The following KIAA0586 variants were observed in gnomAD, a reference collection of about 807,000 sequenced individuals.
KIAA0586 encodes the protein KIAA0586, also known as protein TALPID3.
A neutral mutation model predicts 169.8 loss-of-function variants in KIAA0586; 144 were observed. The observed-to-expected ratio is 0.85, with a 90% CI of 0.74 to 0.97. The LOEUF (loss-of-function observed/expected upper bound fraction) is 0.97, where lower values mean the gene tolerates loss of function less well. KIAA0586 is among the 50% of genes least tolerant of loss of function. KIAA0586 has a pLI of 0.00. For synonymous variants in KIAA0586, 625 were observed against 612.4 expected, an observed-to-expected ratio of 1.02 and a Z score of -0.30; for missense variants, 1,854 against 1,823.0, an observed-to-expected ratio of 1.02 and a Z score of -0.31.
intron 20 of KIAA0586, among the ~76,000 whole-genome samples, chr14:58,482,065 G>A (rs2042063841): frequency 6.6e-6 from 1 of 151,720 alleles, no homozygotes; most frequent in Non-Finnish European, 1.5e-5. Flanking sequence ...ACCAGCCTTG[G>A]CCTCCCAAAG....
chr14:58,438,772 A>G (rs1486236877), intron 4 of KIAA0586, among the ~76,000 whole-genome samples: 2 of 152,158 alleles, frequency 1.3e-5, no homozygotes, highest in Non-Finnish European at 2.9e-5. Context: ...GAGGAGAAGG[A>G]TGTAATAAGT....
chr14:58,512,081 G>T (rs1243396060), intron 28 of KIAA0586, among the ~76,000 whole-genome samples: 1 of 152,254 alleles, frequency 6.6e-6, no homozygotes, highest in East Asian at 1.9e-4. Flanking sequence ...ATTAAATGAT[G>T]TTACTATATA....
intron 26 of KIAA0586, among the ~76,000 whole-genome samples, chr14:58,494,180 T>TTTTCTTATCCCTTAAATTTTCTGTC (rs2043006227): frequency 2.0e-5 from 3 of 151,950 alleles, no homozygotes; most frequent in Non-Finnish European, 4.4e-5. Context: ...CTACTTCTGT[T>TTTTCTTATCCCTTAAATTTTCTGTC]TTTCTTATCC....
At chr14:58,458,610 C>A in intron 12 of KIAA0586, 65 bp downstream of exon 12, 2 of 812,608 alleles carry the variant, frequency 2.5e-6, no homozygotes, top group Non-Finnish European at 3.9e-6. Flanking sequence ...TTCCAATTTA[C>A]AGGCATTACA....
At chr14:58,471,963 G>A (rs1387657972) in intron 17 of KIAA0586, among the ~76,000 whole-genome samples, 1 of 152,106 alleles carries the variant, frequency 6.6e-6, no homozygotes, top group Non-Finnish European at 1.5e-5. Context: ...TGCTGATGGA[G>A]TCCTTTACAG....
chr14:58,477,581 A>G (rs1459889523), intron 20 of KIAA0586, among the ~76,000 whole-genome samples: 1 of 152,094 alleles, frequency 6.6e-6, no homozygotes, highest in African/African-American at 2.4e-5. Flanking sequence ...ATTACTCAGG[A>G]TTTAAGGATG....
chr14:58,477,889 A>T (rs2041768021), intron 20 of KIAA0586, among the ~76,000 whole-genome samples: 1 of 135,244 alleles, frequency 7.4e-6, no homozygotes. Context: ...TCTCTTCCCC[A>T]TTTTTTCCTT....
At position 58,548,068 on chromosome 14, in the gene KIAA0586, A is replaced by C. The variant is rs2047094181; in HGVS notation, c.*136A>C. 1.9e-6 allele frequency: 2 copies of C among 1,053,428 alleles called. No homozygotes were observed. The highest frequency in any genetic ancestry group is 2.7e-6 in the Non-Finnish European group (2 of 749,642). 65.3% of individuals were successfully genotyped at this position (1,053,428 alleles called of 1,614,324 possible). On this transcript the variant is annotated 3_prime_UTR_variant, in exon 31 of 31. Transcript: ENST00000652326. ...AAATTCCAATATTTTAAAATAAAAC[A>C]AAAAGCATAATTTGGGTATTTAAAG... is the stretch of plus-strand genomic sequence containing the variant.
intron 30 of KIAA0586, 112 bp from the exon 31 acceptor site, chr14:58,547,669 T>G: frequency 1.1e-6 from 1 of 933,300 alleles, no homozygotes; most frequent in Non-Finnish European, 1.6e-6. Context: ...TAGGCAATCC[T>G]TATTTGGAAT....
intron 26 of KIAA0586, among the ~76,000 whole-genome samples, chr14:58,495,659 G>T (rs879924433): frequency 2.6e-5 from 4 of 151,938 alleles, no homozygotes; most frequent in Non-Finnish European, 5.9e-5. Context: ...TAAAAAGCAG[G>T]TTGCAAGGCT....
In KIAA0586 at chr14:58,453,765, A is replaced by C. The variant is rs1748976; in HGVS notation, c.1253+292A>C. On this transcript the variant is annotated intron_variant, in intron 9 of 30. Coordinates refer to ENST00000652326, the MANE Select transcript of KIAA0586 (RefSeq NM_001329943.3). ...AATAATCCAAGATAGGTTAGGGGCA[A>C]GTAAGTTGGGAGTATAGATAAAATG... is the stretch of plus-strand genomic sequence containing the variant. Among the ~76,000 whole-genome samples, 16 of 152,164 alleles carry C rather than the reference A, an allele frequency of 1.1e-4. 1 individual carries two copies. In the South Asian group the frequency reaches 3.3e-3, roughly 32 times the overall value.
chr14:58,440,533 T>C (rs1365825169), intron 4 of KIAA0586, among the ~76,000 whole-genome samples: 1 of 152,216 alleles, frequency 6.6e-6, no homozygotes, highest in African/African-American at 2.4e-5. Flanking sequence ...GGGTTCACCA[T>C]GTTGGTCAGG....
chr14:58,527,570 G>T (rs912093553), intron 29 of KIAA0586, among the ~76,000 whole-genome samples: 2 of 152,162 alleles, frequency 1.3e-5, no homozygotes, highest in Non-Finnish European at 2.9e-5. Flanking sequence ...TTAAATAAAA[G>T]AATTTTCAAC....
In KIAA0586 at chr14:58,429,371, G is replaced by C; in HGVS notation, c.208G>C (p.Asp70His). 1 of 1,588,308 alleles carries C rather than the reference G, an allele frequency of 6.3e-7. No individual in the cohort carries two copies. Among genetic ancestry groups the C allele is most frequent in the Non-Finnish European group, 8.6e-7 (1 of 1,156,840 alleles). ...SLNGTSRGSS[D>H]LTSARNCYQP... ...TTCCTTTGTTTTGTTAGGTTCATCA[G>C]ACTTAACTTCTGCTAGAAATTGTTA... Residue 70 changes from aspartate (D) to histidine (H), a missense_variant, in exon 2 of 31, where the codon GAC (aspartate) becomes CAC (histidine). By Grantham distance (81) the Asp-to-His change is moderately conservative. Coordinates refer to ENST00000652326, the MANE Select transcript of KIAA0586 (RefSeq NM_001329943.3).
intron 14 of KIAA0586, among the ~76,000 whole-genome samples, chr14:58,463,773 C>T (rs2040511677): frequency 6.6e-6 from 1 of 151,502 alleles, no homozygotes; most frequent in South Asian, 2.1e-4. Context: ...TTGCAGTGAG[C>T]TATGATAGTG....
rs374634702 is a variant in KIAA0586 at position 58,540,348 on chromosome 14, T to C, written c.4495+212T>C. On this transcript the variant is annotated intron_variant, in intron 30 of 30. Coordinates refer to ENST00000652326, the MANE Select transcript of KIAA0586 (RefSeq NM_001329943.3). ...CAGGAAAGAAAACCTATCGTTTCGCTTTGGAAAGTTTATAAAATGATGAAT... is the reference window on the plus strand; with the variant it reads ...CAGGAAAGAAAACCTATCGTTTCGCCTTGGAAAGTTTATAAAATGATGAAT... Among the ~76,000 whole-genome samples, 132 of 152,324 alleles carry C rather than the reference T, an allele frequency of 8.7e-4. 1 individual carries two copies. The highest frequency in any genetic ancestry group is 6.8e-3 in the Middle Eastern group (2 of 294).
intron 19 of KIAA0586, among the ~76,000 whole-genome samples, chr14:58,476,668 C>CTTTTTT (rs10666323): frequency 1.5e-5 from 2 of 131,636 alleles, no homozygotes; most frequent in Non-Finnish European, 3.1e-5. Context: ...TTCAGAGGTA[C>CTTTTTT]TTTTTTTTTT....
At chr14:58,435,008 C>T (rs1595077701) in intron 4 of KIAA0586, among the ~76,000 whole-genome samples, 1 of 152,248 alleles carries the variant, frequency 6.6e-6, no homozygotes, top group South Asian at 2.1e-4. Context: ...AGGCTGGTCT[C>T]AAACTCCTGG....
rs377162742 is a variant in KIAA0586 at position 58,476,566 on chromosome 14, T to C, written c.2826-557T>C. 2.6e-5 allele frequency among the ~76,000 whole-genome samples: 4 copies of C among 152,254 alleles called. 1 individual carries two copies. In the South Asian group the frequency reaches 6.2e-4, roughly 24 times the overall value. On this transcript the variant is annotated intron_variant, in intron 19 of 30. Transcript: ENST00000652326. ...TCTTATTTTGAGTTTAGGAGTTCTT[T>C]TAAGCTTTTCATTAGACTAATCTGA...
Sources: gnomAD v4.1 joint callset for allele counts (sites outside exome capture counted in the v4.1 genomes callset) on GRCh38, gnomAD v4.1.1 for gene constraint, MANE v1.5 for transcripts, NCBI Gene and HGNC (gene_info 2026-07-23, HGNC 2026-07-21) for gene names.